The following AOPEP variants were observed in gnomAD, a reference collection of about 807,000 sequenced individuals.
The protein encoded by AOPEP is aminopeptidase O (putative).
Under a neutral mutation model 98.1 loss-of-function variants are expected in AOPEP, and 77 were observed. The ratio of observed to expected loss-of-function variants is 0.78; its 90% CI spans 0.65 to 0.95. AOPEP has a LOEUF of 0.95. Ranked by LOEUF, AOPEP falls within the 40% of genes least tolerant of loss-of-function variation. The probability of loss-of-function intolerance (pLI) is 0.00; values close to 1 mark genes in which losing one functional copy is unlikely to be tolerated. For missense variants in AOPEP, 1,024 were observed against 1,024.7 expected, an observed-to-expected ratio of 1.00 and a Z score of 0.01; for synonymous variants, 346 against 365.3, an observed-to-expected ratio of 0.95 and a Z score of 0.60.
chr9:94,849,890 C>G (rs1488439515), intron 5 of AOPEP, among the ~76,000 whole-genome samples: 1 of 152,110 alleles, frequency 6.6e-6, no homozygotes, highest in African/African-American at 2.4e-5. Flanking sequence ...CAAAAATTAG[C>G]CAGGCGTGGT....
chr9:95,056,307 A>G (rs1328807386), intron 13 of AOPEP: 1 of 152,384 alleles, frequency 6.6e-6, no homozygotes, highest in Non-Finnish European at 1.5e-5. Context: ...CAGCTGGGCC[A>G]CGCCGGGAGG....
intron 1 of AOPEP, among the ~76,000 whole-genome samples, chr9:94,738,305 A>G (rs1377330303): frequency 6.6e-6 from 1 of 152,172 alleles, no homozygotes; most frequent in Admixed American, 6.5e-5. Context: ...AAGTCATTCT[A>G]GGTTCCTGTT....
intron 2 of AOPEP, among the ~76,000 whole-genome samples, chr9:94,768,927 C>T (rs1255267671): frequency 1.3e-5 from 2 of 152,338 alleles, no homozygotes; most frequent in East Asian, 1.9e-4. Context: ...GCAACATGGC[C>T]GAGGTGCAAG....
At chr9:94,838,668 A>T (rs1021104435) in intron 5 of AOPEP, among the ~76,000 whole-genome samples, 1 of 152,190 alleles carries the variant, frequency 6.6e-6, no homozygotes, top group Non-Finnish European at 1.5e-5. Flanking sequence ...TCTTGAGATA[A>T]ATTTGGAAAG....
At chr9:95,111,308 A>G in the AOPEP span, 1 of 1,589,938 alleles carries the variant, frequency 6.3e-7, no homozygotes, top group Non-Finnish European at 8.5e-7. Flanking sequence ...ACAAGGCTGG[A>G]GATCACCATG....
the AOPEP span, among the ~76,000 whole-genome samples, chr9:95,115,307 C>T: frequency 1.3e-5 from 2 of 152,188 alleles, no homozygotes; most frequent in African/African-American, 4.8e-5. Flanking sequence ...CCCGCTGAGA[C>T]TGGGAAATGC....
At chr9:95,045,661 T>C (rs1414684070) in intron 13 of AOPEP, among the ~76,000 whole-genome samples, 1 of 152,200 alleles carries the variant, frequency 6.6e-6, no homozygotes, top group Admixed American at 6.5e-5. Context: ...AGCTGCCCTC[T>C]CCTAAGGGCC....
At chr9:95,126,651 C>A in the AOPEP span, 1 of 1,510,774 alleles carries the variant, frequency 6.6e-7, no homozygotes, top group Non-Finnish European at 9.2e-7. Flanking sequence ...CTATTATCAG[C>A]CAAAGGAGTT....
At chr9:94,971,248 A>T (rs998595501) in intron 10 of AOPEP, among the ~76,000 whole-genome samples, 18 of 152,118 alleles carry the variant, frequency 1.2e-4, no homozygotes, top group Non-Finnish European at 5.9e-5. Flanking sequence ...CACCAATCAC[A>T]TGCCTTTTGA....
intron 11 of AOPEP, among the ~76,000 whole-genome samples, chr9:94,985,713 A>G (rs959128397): frequency 6.6e-6 from 1 of 152,210 alleles, no homozygotes; most frequent in Non-Finnish European, 1.5e-5. Flanking sequence ...AATGTGGTAT[A>G]CTATTTGGGC....
chr9:94,753,689 TAGCC>T (rs1274407945), intron 1 of AOPEP, among the ~76,000 whole-genome samples: 1 of 152,202 alleles, frequency 6.6e-6, no homozygotes, highest in African/African-American at 2.4e-5. Flanking sequence ...ATTTTTTAAA[TAGCC>T]AGCCAAATGT....
At chr9:95,013,294 CT>C (rs996894210) in intron 13 of AOPEP, among the ~76,000 whole-genome samples, 18 of 150,978 alleles carry the variant, frequency 1.2e-4, no homozygotes, top group South Asian at 4.2e-4. Context: ...TGATGTAATA[CT>C]TTTTTTTTCT....
chr9:94,856,369 C>T (rs191202525), intron 5 of AOPEP, among the ~76,000 whole-genome samples: 69 of 152,222 alleles, frequency 4.5e-4, no homozygotes, highest in African/African-American at 1.6e-3. Flanking sequence ...AGGCCGGGTG[C>T]GGTGGCTCAC....
chr9:94,730,901 A>G (rs1440164949), intron 1 of AOPEP, among the ~76,000 whole-genome samples: 1 of 152,216 alleles, frequency 6.6e-6, no homozygotes, highest in East Asian at 1.9e-4. Flanking sequence ...AAATTTATAT[A>G]CTAAGTAAAG....
chr9:95,020,918 C>CAAAAAAAAAAAAAAA (rs55696602), intron 13 of AOPEP, among the ~76,000 whole-genome samples: 9 of 73,304 alleles, frequency 1.2e-4, no homozygotes, highest in East Asian at 4.0e-4. Context: ...GACCTTGTCT[C>CAAAAAAAAAAAAAAA]AAAAAAAAAA....
At position 95,080,729 on chromosome 9, in the gene AOPEP, C is replaced by G. The variant is rs2069651759; in HGVS notation, c.2268C>G (p.His756Gln). The change falls in exon 15 of 17, where the codon CAC becomes CAG. Residue 756 changes from histidine to glutamine, a missense_variant. His to Gln is a conservative substitution (Grantham distance 24, BLOSUM62 0). This residue lies in a region of AOPEP where 566 missense variants were observed against 551.7 expected (regional missense o/e 1.03). Coordinates refer to ENST00000375315, the MANE Select transcript of AOPEP (RefSeq NM_001193329.3). ...GGTGGTGTGAACTCATTGTTAAGCACAAGTTCACGAAAGCCTACAAAAGTG... is the reference window on the plus strand; with the variant it reads ...GGTGGTGTGAACTCATTGTTAAGCAGAAGTTCACGAAAGCCTACAAAAGTG... The part of the protein sequence containing the change: ...RHRWCELIVK[H>Q]KFTKAYKSVE... 1 of 1,613,878 alleles carries G rather than the reference C, an allele frequency of 6.2e-7. No individual in the cohort carries two copies. Among genetic ancestry groups the G allele is most frequent in the Non-Finnish European group, 8.5e-7 (1 of 1,179,988 alleles).
chr9:95,074,688 C>T (rs1385512642), intron 14 of AOPEP, among the ~76,000 whole-genome samples: 1 of 152,212 alleles, frequency 6.6e-6, no homozygotes, highest in African/African-American at 2.4e-5. Flanking sequence ...GTCAACTTCA[C>T]TGTGATGACA....
intron 13 of AOPEP, among the ~76,000 whole-genome samples, chr9:95,034,787 G>C (rs989569746): frequency 6.6e-6 from 1 of 152,152 alleles, no homozygotes. Context: ...GCGGATCCTG[G>C]TTTGCTGATA....
intron 5 of AOPEP, among the ~76,000 whole-genome samples, chr9:94,890,203 G>GT (rs1454675151): frequency 3.9e-4 from 58 of 149,094 alleles, no homozygotes; most frequent in Middle Eastern, 3.5e-3. Context: ...AATTTTTGTG[G>GT]TTTTTTTGTT....
Sources: gnomAD v4.1 joint callset for allele counts (sites outside exome capture counted in the v4.1 genomes callset) on GRCh38, gnomAD v4.1.1 for gene constraint, gnomAD v4.1.1 regional missense constraint, MANE v1.5 for transcripts, NCBI Gene and HGNC (gene_info 2026-07-23, HGNC 2026-07-21) for gene names.